Variants in PRDM16 observed in about 807,000 individuals in gnomAD.
PRDM16 encodes histone-lysine N-methyltransferase PRDM16.
In PRDM16, 23 loss-of-function variants were observed where a neutral mutation model predicts 110.6. The observed-to-expected ratio is 0.21, with a 90% CI of 0.15 to 0.29. The LOEUF (loss-of-function observed/expected upper bound fraction) is 0.29, where lower values mean the gene tolerates loss of function less well. PRDM16 is among the 10% of genes least tolerant of loss of function. The pLI, the probability that PRDM16 is intolerant of heterozygous loss-of-function variation, is 1.00. For synonymous variants in PRDM16, 799 were observed against 781.8 expected (o/e 1.02, Z -0.37); for missense variants, 1,615 against 1,794.3 (o/e 0.90, Z 1.81).
Position 3,278,623 on chromosome 1 carries a change from G to A in PRDM16, c.438+34486G>A, listed in dbSNP as rs530641822. Among the ~76,000 whole-genome samples, 5 of 152,326 alleles carry A rather than the reference G, an allele frequency of 3.3e-5. No homozygotes were observed. The East Asian group carries it at 9.6e-4, about 29-fold the overall frequency. ...GGCACCCTGCTGCCCGGCGGGGCCT[G>A]CAGTCAGCCAGGACACCCGGCAGCC... is the stretch of plus-strand genomic sequence containing the variant. On this transcript the variant is annotated intron_variant, in intron 3 of 16. Transcript: ENST00000270722.
chr1:3,228,229 C>A (rs1267878211), intron 2 of PRDM16, among the ~76,000 whole-genome samples: 2 of 152,166 alleles, frequency 1.3e-5, no homozygotes, highest in African/African-American at 2.4e-5. Context: ...AGAAGCAAAC[C>A]GAGGATGGGA....
chr1:3,369,370 G>A (rs1642871778), intron 3 of PRDM16, among the ~76,000 whole-genome samples: 1 of 152,188 alleles, frequency 6.6e-6, no homozygotes, highest in African/African-American at 2.4e-5. Flanking sequence ...GGTGGGCTTA[G>A]CACACAGCTC....
intron 1 of PRDM16, among the ~76,000 whole-genome samples, chr1:3,139,783 C>G (rs1165770957): frequency 6.6e-6 from 1 of 152,238 alleles, no homozygotes; most frequent in African/African-American, 2.4e-5. Context: ...CTGCTCCCGT[C>G]AAAGGGAAGG....
At position 3,397,652 on chromosome 1, in the gene PRDM16, C is replaced by T. The variant is rs528065944; in HGVS notation, c.676+1059C>T. On this transcript the variant is annotated intron_variant, in intron 5 of 16. Coordinates refer to ENST00000270722, the MANE Select transcript of PRDM16 (RefSeq NM_022114.4). ...CAAGCTCCCTCCTGGCCGTTTCCGG[C>T]GCTGGTGATTCCTGCTGGTGCTGGA... Among the ~76,000 whole-genome samples, 24 of 152,264 alleles carry T rather than the reference C, an allele frequency of 1.6e-4. 1 individual carries two copies. Among genetic ancestry groups the T allele is most frequent in the Admixed American group, 1.4e-3 (21 of 15,292 alleles).
intron 1 of PRDM16, among the ~76,000 whole-genome samples, chr1:3,130,481 G>T (rs754127944): frequency 1.5e-4 from 23 of 152,298 alleles, no homozygotes; most frequent in Non-Finnish European, 2.9e-4. Context: ...GACCTAGTTG[G>T]CCCCAGAGGC....
At chr1:3,188,844 C>T (rs550315771) in intron 2 of PRDM16, among the ~76,000 whole-genome samples, 13 of 152,252 alleles carry the variant, frequency 8.5e-5, no homozygotes, top group African/African-American at 2.4e-4. Flanking sequence ...AAGCAGGGGG[C>T]GGGAATTAAG....
intron 2 of PRDM16, among the ~76,000 whole-genome samples, chr1:3,225,177 G>C (rs1418273856): frequency 6.6e-6 from 1 of 152,164 alleles, no homozygotes; most frequent in African/African-American, 2.4e-5. Flanking sequence ...AAGGCATAGA[G>C]GGCATTTTGG....
rs74384162 is a variant in PRDM16, at chr1:3,094,258, G to A, written c.37+24962G>A. 1.3e-3 allele frequency among the ~76,000 whole-genome samples: 198 copies of A among 152,338 alleles called. No individual in the cohort carries two copies. The East Asian group carries it at 0.017, about 13-fold the overall frequency. ...GGGGGCGCACAGGCAGCAGGCACCC[G>A]CCATCCCCACCCTGCCTCCACAGCT... On this transcript the variant is annotated intron_variant, in intron 1 of 16. Coordinates refer to ENST00000270722, the MANE Select transcript of PRDM16 (RefSeq NM_022114.4).
chr1:3,128,145 C>G (rs1478843678), intron 1 of PRDM16: 1 of 154,554 alleles, frequency 6.5e-6, no homozygotes, highest in African/African-American at 2.4e-5. Context: ...TCTGAGTGTT[C>G]GGAAATTGAA....
intron 2 of PRDM16, among the ~76,000 whole-genome samples, chr1:3,239,398 C>T (rs1639610875): frequency 6.6e-6 from 1 of 151,992 alleles, no homozygotes; most frequent in Admixed American, 6.6e-5. Context: ...ACCCTGAGCC[C>T]CTCGACCCCA....
At chr1:3,352,784 A>G (rs1031888256) in intron 3 of PRDM16, among the ~76,000 whole-genome samples, 1 of 152,180 alleles carries the variant, frequency 6.6e-6, no homozygotes, top group African/African-American at 2.4e-5. Flanking sequence ...GACATGAGAC[A>G]GCCCCCGCCC....
chr1:3,201,801 T>C lies in PRDM16; in HGVS notation c.387+15327T>C, dbSNP rs866943868. Among the ~76,000 whole-genome samples the C allele has an allele frequency of 6.6e-6, 1 of 152,242 alleles. No individual in the cohort carries two copies. The highest frequency in any genetic ancestry group is 1.5e-5 in the Non-Finnish European group (1 of 68,044). ...CCCTCTCCCACCTGGCCTCTGTTTCTACCTCGGGTTGGTGTCTCCCGCCCA... is the reference window on the plus strand; with the variant it reads ...CCCTCTCCCACCTGGCCTCTGTTTCCACCTCGGGTTGGTGTCTCCCGCCCA... On this transcript the variant is annotated intron_variant, in intron 2 of 16. Transcript: ENST00000270722. This position sits in a 1 kb window ranked among gnomAD's most constrained non-coding sequence, Gnocchi z 4.1.
At position 3,425,764 on chromosome 1, in the gene PRDM16, G is replaced by A. The variant is rs1244861783; in HGVS notation, c.3109+14G>A. On this transcript the variant is annotated intron_variant, in intron 13 of 16. Transcript: ENST00000270722. The surrounding 1 kb of genome is among the most constrained non-coding windows in gnomAD (Gnocchi z 6.9). ...AGAACGCACCAGGTGGGCCACGCGG[G>A]GTGGGGCAGCCCCCAGAGCACCCAC... 3.7e-6 allele frequency: 6 copies of A among 1,612,892 alleles called. No individual in the cohort carries two copies. Among genetic ancestry groups the A allele is most frequent in the Non-Finnish European group, 5.1e-6 (6 of 1,179,720 alleles).
chr1:3,358,049 G>A lies in PRDM16; in HGVS notation c.439-27103G>A, dbSNP rs900422590. Reference sequence around the variant, plus strand: ...AGCTGAGTCTGCCTTGACCACTGAAGGAGGCTGCCCTGGCTAACGGCGGTG... The same window carrying A: ...AGCTGAGTCTGCCTTGACCACTGAAAGAGGCTGCCCTGGCTAACGGCGGTG... On this transcript the variant is annotated intron_variant, in intron 3 of 16. Transcript: ENST00000270722. This position sits in a 1 kb window ranked among gnomAD's most constrained non-coding sequence, Gnocchi z 4.0. Among the ~76,000 whole-genome samples the A allele has an allele frequency of 2.0e-5, 3 of 152,258 alleles. No individual in the cohort carries two copies. Among genetic ancestry groups the A allele is most frequent in the Non-Finnish European group, 4.4e-5 (3 of 68,032 alleles).
intron 3 of PRDM16, among the ~76,000 whole-genome samples, chr1:3,384,557 C>G (rs539755601): frequency 6.6e-6 from 1 of 152,322 alleles, no homozygotes; most frequent in East Asian, 1.9e-4. Context: ...AAAGCAAAGC[C>G]AAGTTGGTTC....
At chr1:3,078,599 T>G (rs1421339105) in intron 1 of PRDM16, among the ~76,000 whole-genome samples, 1 of 152,248 alleles carries the variant, frequency 6.6e-6, no homozygotes, top group East Asian at 1.9e-4. Flanking sequence ...TGTAATTTTC[T>G]TTGCTGCTGT....
chr1:3,169,439 G>A (rs1643999421), intron 1 of PRDM16, among the ~76,000 whole-genome samples: 1 of 152,110 alleles, frequency 6.6e-6, no homozygotes, highest in Non-Finnish European at 1.5e-5. Context: ...GGGTGGGAGT[G>A]CAGGCCGAGG....
chr1:3,424,265 C>T (rs1638525883), intron 12 of PRDM16, among the ~76,000 whole-genome samples: 1 of 152,240 alleles, frequency 6.6e-6, no homozygotes, highest in Non-Finnish European at 1.5e-5. Context: ...CTCAGGCCCC[C>T]TAGTTCTCAG....
chr1:3,380,242 G>T (rs576645391), intron 3 of PRDM16, among the ~76,000 whole-genome samples: 1 of 151,704 alleles, frequency 6.6e-6, no homozygotes. Context: ...AAGGGTTAGC[G>T]CCCACCTGGC....
Sources: gnomAD v4.1 joint callset for allele counts (sites outside exome capture counted in the v4.1 genomes callset) on GRCh38, gnomAD v4.1.1 for gene constraint, Gnocchi (gnomAD v3.1) non-coding constraint, MANE v1.5 for transcripts, NCBI Gene and HGNC (gene_info 2026-07-23, HGNC 2026-07-21) for gene names.